The following PASK variants were observed in gnomAD, a reference collection of about 807,000 sequenced individuals.
The protein encoded by PASK is PAS domain-containing serine/threonine-protein kinase.
Under a neutral mutation model 121.0 loss-of-function variants are expected in PASK, and 110 were observed. The ratio of observed to expected loss-of-function variants is 0.91; its 90% confidence interval spans 0.78 to 1.06. The LOEUF (loss-of-function observed/expected upper bound fraction) is 1.06. Ranked by LOEUF, PASK falls within the 50% of genes least tolerant of loss-of-function variation. The probability of loss-of-function intolerance (pLI) is 0.00; values close to 1 mark genes in which losing one functional copy is unlikely to be tolerated. For missense variants in PASK, 1,643 were observed against 1,702.3 expected, an observed-to-expected ratio of 0.97 and a Z score of 0.61; for synonymous variants, 686 against 717.8, an observed-to-expected ratio of 0.96 and a Z score of 0.71.
At chr2:241,119,713 A>G (rs192094328) in intron 12 of PASK, among the ~76,000 whole-genome samples, 3,506 of 152,022 alleles carry the variant, frequency 0.023, 286 homozygotes, top group East Asian at 0.23. Flanking sequence ...CTCGTGATCC[A>G]CCTGCCTTGG....
At chr2:241,138,270 G>A (rs1470413) in intron 5 of PASK, among the ~76,000 whole-genome samples, 183 bp from the exon 6 acceptor site, 40,493 of 152,156 alleles carry the variant, frequency 0.27, 6,676 homozygotes, top group Middle Eastern at 0.45. Flanking sequence ...TACCAGAGAC[G>A]TACCTAAATT....
intron 8 of PASK, 153 bp from the exon 9 acceptor site, chr2:241,133,183 C>A (rs2066248313): frequency 1.4e-6 from 1 of 740,508 alleles, no homozygotes; most frequent in Admixed American, 2.0e-5. Context: ...CAACCCAGCG[C>A]CCTCTTCTCT....
Position 241,126,441 on chromosome 2 carries a change from G to A in PASK, c.2474C>T (p.Pro825Leu), listed in dbSNP as rs774797247. The A allele has an allele frequency of 4.6e-5, 75 of 1,614,234 alleles. No individual in the cohort carries two copies. Among genetic ancestry groups the A allele is most frequent in the Admixed American group, 2.8e-4 (17 of 60,026 alleles). Residue 825 changes from proline (P) to leucine (L), a missense_variant, in exon 10 of 18, where the codon CCG (proline) becomes CTG (leucine). Pro to Leu is a moderately conservative substitution (Grantham distance 98). Transcript: ENST00000234040. ...AGAGGACACCAAACAAACCTCAAGCGGTTCTGTTGGATCATGTCCCACACA... is the reference window on the plus strand; with the variant it reads ...AGAGGACACCAAACAAACCTCAAGCAGTTCTGTTGGATCATGTCCCACACA... ...ESCVGHDPTE[P>L]LEVCLVSSEH...
chr2:241,132,783 A>T, intron 9 of PASK, 91 bp downstream of exon 9: 2 of 1,064,616 alleles, frequency 1.9e-6, no homozygotes, highest in Non-Finnish European at 2.9e-6. Context: ...TATGAATAAT[A>T]GGCTGAACAT....
rs1341578797 is a variant in PASK, at chr2:241,127,244, A to C, written c.1671T>G (p.Asp557Glu). 6.2e-7 allele frequency: 1 copy of C among 1,614,186 alleles called. No homozygotes were observed. The highest frequency in any genetic ancestry group is 1.1e-5 in the South Asian group (1 of 91,080). Residue 557 changes from aspartate (D) to glutamate (E), a missense_variant, in exon 10 of 18, where the codon GAT becomes GAG. Coordinates refer to ENST00000234040, the MANE Select transcript of PASK (RefSeq NM_015148.4). ...EDSEAPVPAE[D>E]GGSDAGMCGL... ...CACACATGCCAGCATCACTGCCCCC[A>C]TCCTCAGCTGGGACTGGAGCTTCAG...
intron 8 of PASK, among the ~76,000 whole-genome samples, chr2:241,135,223 G>A (rs1297255841): frequency 6.6e-6 from 1 of 152,174 alleles, no homozygotes; most frequent in African/African-American, 2.4e-5. Context: ...AAACTATGTG[G>A]GATAAACATA....
At chr2:241,111,891 T>C (rs1344308714) in intron 15 of PASK, among the ~76,000 whole-genome samples, 1 of 152,244 alleles carries the variant, frequency 6.6e-6, no homozygotes, top group East Asian at 1.9e-4. Flanking sequence ...ATAGATATTA[T>C]TCCTGTCATC....
intron 12 of PASK, among the ~76,000 whole-genome samples, chr2:241,115,883 G>C (rs113568584): frequency 1.2e-5 from 1 of 80,826 alleles, no homozygotes; most frequent in Non-Finnish European, 2.3e-5. Flanking sequence ...ATCCCGTTAC[G>C]CCAGGGGCCA....
chr2:241,124,350 G>C (rs962823973), intron 10 of PASK, among the ~76,000 whole-genome samples: 5 of 152,232 alleles, frequency 3.3e-5, no homozygotes, highest in Non-Finnish European at 7.3e-5. Flanking sequence ...GCCAGGGAAA[G>C]ACCCCTGGGG....
chr2:241,149,882 G>C (rs1450944095), upstream of PASK: 1 of 1,447,740 alleles, frequency 6.9e-7, no homozygotes, highest in Non-Finnish European at 9.0e-7. Context: ...CAGCCAGCTG[G>C]CTAGCGGCCC....
chr2:241,122,810 C>T lies in PASK; in HGVS notation c.2994G>A (p.Lys998=). The T allele has an allele frequency of 6.2e-7, 1 of 1,614,196 alleles. No homozygotes were observed. Among genetic ancestry groups the T allele is most frequent in the Non-Finnish European group, 8.5e-7 (1 of 1,180,006 alleles). ...TGCCCAGCGGGCTCATGGTACTGTA[C>T]TTTTGGGAGTACTCGCCCTCACAGG... ...LAACEGEYSQ[K]YSTMSPLGSG... Residue 998 remains lysine (K), a synonymous_variant, in exon 12 of 18, where the codon AAG becomes AAA. Transcript: ENST00000234040.
chr2:241,112,815 G>C lies in PASK; in HGVS notation c.3334-376C>G. ...GCTCAAAGACACTCATGGTGGGCAA[G>C]TGAATGGGTGCAGGTTTGGTGTTAA... On this transcript the variant is annotated intron_variant, in intron 14 of 17. Transcript: ENST00000234040. This position sits in a 1 kb window ranked among gnomAD's most constrained non-coding sequence, Gnocchi z 5.2. The C allele has an allele frequency of 7.0e-6, 2 of 285,536 alleles. No individual in the cohort carries two copies. Among genetic ancestry groups the C allele is most frequent in the South Asian group, 6.9e-5 (2 of 28,906 alleles). The allele number at this position is 285,536 out of a possible 1,614,324, so 17.7% of individuals were successfully genotyped here.
chr2:241,115,356 G>A lies in PASK; in HGVS notation c.3130C>T (p.Pro1044Ser). The A allele has an allele frequency of 6.2e-7, 1 of 1,613,684 alleles. No individual in the cohort carries two copies. The highest frequency in any genetic ancestry group is 8.5e-7 in the Non-Finnish European group (1 of 1,179,692). Reference protein sequence around the residue: ...KVLEDCWIEDPKLGKVTLEIA... With the variant: ...KVLEDCWIEDSKLGKVTLEIA... ...TCTAAAGTAACTTTCCCAAGTTTGG[G>A]ATCCTCAATCCAACAATCCTCCAAG... The change falls in exon 13 of 18, where the codon CCC (proline) becomes TCC (serine). Residue 1044 changes from proline to serine, a missense_variant. By Grantham distance (74) the Pro-to-Ser change is moderately conservative (BLOSUM62 -1). This residue lies in a region of PASK where 453 missense variants were observed against 511.2 expected (regional missense o/e 0.89). Coordinates refer to ENST00000234040, the MANE Select transcript of PASK (RefSeq NM_015148.4).
At position 241,115,108 on chromosome 2, in the gene PASK, G is replaced by T; in HGVS notation, c.3268C>A (p.Leu1090Ile). The change falls in exon 14 of 18, where the codon CTC becomes ATC. Residue 1090 changes from leucine (L) to isoleucine (I), a missense_variant. Physicochemically the swap from Leu to Ile is conservative, Grantham distance 5. This residue lies in a region of PASK where 453 missense variants were observed against 511.2 expected (regional missense o/e 0.89). Transcript: ENST00000234040. Reference sequence around the variant, plus strand: ...GGGTGGCGGTCGATGAAAGCGAAGAGGTCTAGGCCGGAGCCGTGCTTCTCC... The same window carrying T: ...GGGTGGCGGTCGATGAAAGCGAAGATGTCTAGGCCGGAGCCGTGCTTCTCC... ...VMEKHGSGLD[L>I]FAFIDRHPRL... 6.2e-7 allele frequency: 1 copy of T among 1,614,150 alleles called. No homozygotes were observed. Among genetic ancestry groups the T allele is most frequent in the Non-Finnish European group, 8.5e-7 (1 of 1,179,988 alleles).
chr2:241,133,021 A>G lies in PASK; in HGVS notation c.1316T>C (p.Ile439Thr). 6.2e-7 allele frequency: 1 copy of G among 1,614,068 alleles called. No individual in the cohort carries two copies. Among genetic ancestry groups the G allele is most frequent in the Non-Finnish European group, 8.5e-7 (1 of 1,179,988 alleles). Residue 439 changes from isoleucine (I) to threonine (T), a missense_variant, in exon 9 of 18, where the codon ATT becomes ACT. Around this residue, in one of 3 missense-constraint regions of PASK, gnomAD observed 1,176 missense variants for 1,162.2 expected, o/e 1.01. Coordinates refer to ENST00000234040, the MANE Select transcript of PASK (RefSeq NM_015148.4). ...GTGGCCACCAGCAAGCACGACATTA[A>G]TCCTTGGATCTGGCAGCAACACCAA... is the stretch of plus-strand genomic sequence containing the variant. The part of the protein sequence containing the change: ...DPAEGGQDPR[I>T]NVVLAGGHVV...
In PASK at chr2:241,138,611, G is replaced by A. The variant is rs764786709; in HGVS notation, c.741+43C>T. 1.5e-5 allele frequency: 24 copies of A among 1,610,794 alleles called. No individual in the cohort carries two copies. In the African/African-American group the frequency reaches 1.9e-4, roughly 13 times the overall value. On this transcript the variant is annotated intron_variant, in intron 5 of 17. Coordinates refer to ENST00000234040, the MANE Select transcript of PASK (RefSeq NM_015148.4). ...ACTTGCTGAAGAGGAGAACGACGCCGGCTCCAGCGTCCATGAGACATGAGG... is the reference window on the plus strand; with the variant it reads ...ACTTGCTGAAGAGGAGAACGACGCCAGCTCCAGCGTCCATGAGACATGAGG...
At chr2:241,109,757 T>C (rs2065030771) in intron 15 of PASK, 1 of 152,336 alleles carries the variant, frequency 6.6e-6, no homozygotes, top group Non-Finnish European at 1.5e-5. Flanking sequence ...TTCTGTTTTT[T>C]AGAGAGATTT....
chr2:241,132,134 G>A (rs971459576), intron 9 of PASK, among the ~76,000 whole-genome samples: 24 of 151,472 alleles, frequency 1.6e-4, no homozygotes, highest in African/African-American at 5.6e-4. Context: ...ATACGACTAT[G>A]AGAATAGAAC....
In PASK at chr2:241,112,179, G is replaced by A; in HGVS notation, c.3533+61C>T. On this transcript the variant is annotated intron_variant, in intron 15 of 17. Coordinates refer to ENST00000234040, the MANE Select transcript of PASK (RefSeq NM_015148.4). This position sits in a 1 kb window ranked among gnomAD's most constrained non-coding sequence, Gnocchi z 5.2. ...AAGCCATTTTCCCACCCAAAATCAA[G>A]CCACCCTCAGGGTCCTGACAGAGGA... 3.0e-6 allele frequency: 4 copies of A among 1,319,938 alleles called. No homozygotes were observed. The highest frequency in any genetic ancestry group is 3.3e-6 in the Non-Finnish European group (3 of 912,834). The allele number at this position is 1,319,938 out of a possible 1,614,324, so 81.8% of individuals were successfully genotyped here.
Sources: gnomAD v4.1 joint callset for allele counts (sites outside exome capture counted in the v4.1 genomes callset) on GRCh38, gnomAD v4.1.1 for gene constraint, gnomAD v4.1.1 regional missense constraint, Gnocchi (gnomAD v3.1) non-coding constraint, MANE v1.5 for transcripts, NCBI Gene and HGNC (gene_info 2026-07-23, HGNC 2026-07-21) for gene names.